Variants in GPHN observed in about 807,000 individuals in gnomAD.
GPHN encodes gephyrin.
Under a neutral mutation model 95.5 loss-of-function variants are expected in GPHN, and 17 were observed. The ratio of observed to expected loss-of-function variants is 0.18; its 90% CI spans 0.12 to 0.27. The LOEUF (loss-of-function observed/expected upper bound fraction) is 0.27, where lower values mean the gene tolerates loss of function less well. Among genes scored for constraint, GPHN ranks in the 10% least tolerant of loss-of-function variants. GPHN has a pLI of 1.00. For synonymous variants in GPHN, 320 were observed against 322.5 expected, an observed-to-expected ratio of 0.99 and a Z score of 0.08; for missense variants, 660 against 978.1, an observed-to-expected ratio of 0.67 and a Z score of 4.34.
At chr14:67,394,963 G>C in the GPHN span, among the ~76,000 whole-genome samples, 1 of 152,110 alleles carries the variant, frequency 6.6e-6, no homozygotes. Context: ...CAGCAAGAAG[G>C]CCCTCACCAG....
chr14:67,610,180 T>G, the GPHN span, among the ~76,000 whole-genome samples: 2 of 152,214 alleles, frequency 1.3e-5, no homozygotes, highest in Non-Finnish European at 2.9e-5. Flanking sequence ...CCACATTCCC[T>G]GAGAAACCAC....
chr14:67,110,990 G>A (rs1470830268), intron 14 of GPHN, among the ~76,000 whole-genome samples: 1 of 152,184 alleles, frequency 6.6e-6, no homozygotes, highest in African/African-American at 2.4e-5. Flanking sequence ...AGATTCAACT[G>A]AGGTTTTAAT....
chr14:67,295,080 T>C, the GPHN span: 1 of 150,730 alleles, frequency 6.6e-6, no homozygotes, highest in Admixed American at 6.6e-5. Context: ...CGCTGAGAAA[T>C]GGTATTTGAT....
Position 66,681,092 on chromosome 14 carries a change from C to A in GPHN, c.65-15C>A. 1 of 1,472,414 alleles carries A rather than the reference C, an allele frequency of 6.8e-7. No homozygotes were observed. 91.2% of individuals were successfully genotyped at this position (1,472,414 alleles called of 1,614,324 possible). ...CAAAAATTAATTTTTTTTTCTTTTC[C>A]CCATTTCTATTTAGTGAGTGATAGT... is the stretch of plus-strand genomic sequence containing the variant. On this transcript the variant is annotated splice_polypyrimidine_tract_variant and intron_variant, in intron 1 of 22. Transcript: ENST00000478722.
chr14:67,674,799 G>T, the GPHN span: 9 of 254,244 alleles, frequency 3.5e-5, no homozygotes, highest in Non-Finnish European at 7.5e-6. Flanking sequence ...AGAAGTGCCG[G>T]GTCCGGGTTG....
intron 2 of GPHN, among the ~76,000 whole-genome samples, chr14:66,745,143 C>A (rs1476566845): frequency 6.6e-6 from 1 of 151,956 alleles, no homozygotes; most frequent in Non-Finnish European, 1.5e-5. Context: ...TATTGTTATA[C>A]TTCAACTCTC....
chr14:66,631,035 T>G (rs2063779557), intron 1 of GPHN, among the ~76,000 whole-genome samples: 3 of 149,612 alleles, frequency 2.0e-5, no homozygotes. Context: ...GCAGTCGTTC[T>G]TTTTTTTTGT....
chr14:67,425,704 G>T, the GPHN span, among the ~76,000 whole-genome samples: 1 of 152,078 alleles, frequency 6.6e-6, no homozygotes, highest in Non-Finnish European at 1.5e-5. Context: ...TGCCTCCCAG[G>T]GACCAGCCTC....
At chr14:66,908,920 A>G (rs543405021) in intron 5 of GPHN, among the ~76,000 whole-genome samples, 15 of 152,172 alleles carry the variant, frequency 9.9e-5, no homozygotes, top group Admixed American at 9.2e-4. Context: ...CTGAGCATCT[A>G]TCACTGCCAA....
At chr14:66,772,613 C>T (rs768997607) in intron 2 of GPHN, among the ~76,000 whole-genome samples, 2 of 152,120 alleles carry the variant, frequency 1.3e-5, no homozygotes, top group Non-Finnish European at 2.9e-5. Context: ...TGAATAATGG[C>T]CAAATTCACA....
intron 1 of GPHN, among the ~76,000 whole-genome samples, chr14:66,522,261 A>G (rs1000910951): frequency 1.3e-5 from 2 of 152,158 alleles, no homozygotes; most frequent in Non-Finnish European, 1.5e-5. Context: ...AGAGCCCTTT[A>G]TGTTGCTTTA....
At chr14:67,159,960 C>T (rs1219709477) in intron 19 of GPHN, among the ~76,000 whole-genome samples, 1 of 152,102 alleles carries the variant, frequency 6.6e-6, no homozygotes, top group Non-Finnish European at 1.5e-5. Flanking sequence ...CTAACAACAG[C>T]ATTCTCTTAC....
At chr14:66,718,199 A>G (rs1261984494) in intron 2 of GPHN, among the ~76,000 whole-genome samples, 1 of 152,080 alleles carries the variant, frequency 6.6e-6, no homozygotes, top group Non-Finnish European at 1.5e-5. Flanking sequence ...TGAGTGTTAC[A>G]GTTCTTAAAG....
intron 13 of GPHN, among the ~76,000 whole-genome samples, chr14:67,107,795 AG>A (rs1482663694): frequency 1.3e-5 from 2 of 152,036 alleles, no homozygotes; most frequent in Admixed American, 1.3e-4. Flanking sequence ...CTCCCCAGAG[AG>A]GGGGGTATCT....
At chr14:66,584,431 A>G (rs866260196) in intron 1 of GPHN, among the ~76,000 whole-genome samples, 1 of 152,142 alleles carries the variant, frequency 6.6e-6, no homozygotes, top group African/African-American at 2.4e-5. Flanking sequence ...TATGTTGAAT[A>G]GGAGTGGTGA....
intron 1 of GPHN, among the ~76,000 whole-genome samples, chr14:66,641,561 C>A (rs1419037737): frequency 6.7e-6 from 1 of 149,782 alleles, no homozygotes; most frequent in Non-Finnish European, 1.5e-5. Flanking sequence ...TTGATAGAAG[C>A]AAAAGAACTG....
chr14:67,511,109 A>T, the GPHN span, among the ~76,000 whole-genome samples: 1 of 152,204 alleles, frequency 6.6e-6, no homozygotes, highest in South Asian at 2.1e-4. Context: ...GGATCATTCC[A>T]GAAGCTCATG....
chr14:67,599,931 G>T, the GPHN span: 5 of 1,092,286 alleles, frequency 4.6e-6, no homozygotes, highest in South Asian at 4.9e-5. Context: ...AGGAGGGGCC[G>T]ACCAGAGGTC....
chr14:67,011,301 A>C (rs892557564), intron 9 of GPHN, among the ~76,000 whole-genome samples: 1 of 152,092 alleles, frequency 6.6e-6, no homozygotes, highest in African/African-American at 2.4e-5. Context: ...GGCCTGGCAC[A>C]GTGGCTTATG....
Sources: gnomAD v4.1 joint callset for allele counts (sites outside exome capture counted in the v4.1 genomes callset) on GRCh38, gnomAD v4.1.1 for gene constraint, MANE v1.5 for transcripts, NCBI Gene and HGNC (gene_info 2026-07-23, HGNC 2026-07-21) for gene names.